DPP10: variants seen among roughly 807,000 people sequenced by gnomAD.
DPP10 encodes inactive dipeptidyl peptidase 10.
DPP10 carries 33 observed loss-of-function variants against 120.9 expected under a neutral mutation model. The ratio of observed to expected loss-of-function variants is 0.27; its 90% CI spans 0.21 to 0.37. The LOEUF (loss-of-function observed/expected upper bound fraction) is 0.37. Among genes scored for constraint, DPP10 ranks in the 10% least tolerant of loss-of-function variants. The pLI is 1.00. For missense variants in DPP10, 816 were observed against 942.8 expected (o/e 0.87, Z 1.76); for synonymous variants, 337 against 326.1 (o/e 1.03, Z -0.36).
chr2:115,014,265 A>C (rs1049537839), intron 1 of DPP10, among the ~76,000 whole-genome samples: 1 of 152,238 alleles, frequency 6.6e-6, no homozygotes, highest in Non-Finnish European at 1.5e-5. Flanking sequence ...AACGAAATTA[A>C]GGCAGAAATA....
intron 1 of DPP10, among the ~76,000 whole-genome samples, chr2:114,702,457 T>C (rs933178925): frequency 6.6e-6 from 1 of 151,974 alleles, no homozygotes; most frequent in Non-Finnish European, 1.5e-5. Flanking sequence ...CATTGCTCTC[T>C]GGAAATGGAC....
In DPP10 at chr2:114,543,878, T is replaced by TG. The variant is rs756930171; in HGVS notation, c.60+101041dup. 7.9e-3 allele frequency among the ~76,000 whole-genome samples: 940 copies of TG among 119,290 alleles called. 8 individuals carry two copies. Among genetic ancestry groups the TG allele is most frequent in the East Asian group, 0.038 (137 of 3,574 alleles). The allele number at this position is 119,290 out of a possible 152,430, so 78.3% of individuals were successfully genotyped here. ...TTTGAATGTAGCTTGTTTTTTTTGT[T>TG]GTTGGTGGTGGTGGTGGTTGTTTTT... On this transcript the variant is annotated intron_variant, in intron 1 of 25. Transcript: ENST00000410059.
rs556172830 is a variant in DPP10, at chr2:114,853,152, G to T, written c.60+410314G>T. Among the ~76,000 whole-genome samples, 7 of 152,254 alleles carry T rather than the reference G, an allele frequency of 4.6e-5. No homozygotes were observed. The East Asian group carries it at 1.4e-3, about 29-fold the overall frequency. On this transcript the variant is annotated intron_variant, in intron 1 of 25. Coordinates refer to ENST00000410059, the MANE Select transcript of DPP10 (RefSeq NM_020868.6). ...TATGGTGATAGAGGTCAGAATAGTG[G>T]TTATCTCTGGGGGACAATGATCTCT...
chr2:115,080,810 T>G lies in DPP10; in HGVS notation c.61-228429T>G, dbSNP rs191342590. Among the ~76,000 whole-genome samples, 4 of 152,318 alleles carry G rather than the reference T, an allele frequency of 2.6e-5. No individual in the cohort carries two copies. In the East Asian group the frequency reaches 7.7e-4, roughly 29 times the overall value. Reference sequence around the variant, plus strand: ...CTACAGTTCATCTCTTAGAATGACTTTAGTGAAAGTTGTCACAAAGACCCC... The same window carrying G: ...CTACAGTTCATCTCTTAGAATGACTGTAGTGAAAGTTGTCACAAAGACCCC... On this transcript the variant is annotated intron_variant, in intron 1 of 25. Coordinates refer to ENST00000410059, the MANE Select transcript of DPP10 (RefSeq NM_020868.6).
intron 1 of DPP10, among the ~76,000 whole-genome samples, chr2:114,849,919 T>TTTTCA (rs1237194842): frequency 1.3e-5 from 2 of 151,922 alleles, no homozygotes. Flanking sequence ...CAATTTTTTC[T>TTTTCA]TTTCTTTTCT....
chr2:115,545,161 G>A (rs1011410974), intron 5 of DPP10, among the ~76,000 whole-genome samples: 2 of 152,060 alleles, frequency 1.3e-5, no homozygotes, highest in African/African-American at 4.8e-5. Context: ...AATACTCCAT[G>A]TCAATGGCAA....
At chr2:115,301,025 C>T (rs1465959754) in intron 1 of DPP10, among the ~76,000 whole-genome samples, 1 of 151,960 alleles carries the variant, frequency 6.6e-6, no homozygotes, top group Non-Finnish European at 1.5e-5. Context: ...TTTTCTCAGG[C>T]ATTTTCTAGG....
At chr2:114,956,574 T>C (rs1456176705) in intron 1 of DPP10, among the ~76,000 whole-genome samples, 1 of 152,168 alleles carries the variant, frequency 6.6e-6, no homozygotes, top group Non-Finnish European at 1.5e-5. Flanking sequence ...AAATGTCATT[T>C]TTCATGGAAA....
rs375664934 is a variant in DPP10 at position 115,139,721 on chromosome 2, T to C, written c.61-169518T>C. Among the ~76,000 whole-genome samples the C allele has an allele frequency of 3.0e-3, 10 of 3,298 alleles. No individual in the cohort carries two copies. The East Asian group carries it at 0.07, about 23-fold the overall frequency. The allele number at this position is 3,298 out of a possible 152,430, so 2.2% of individuals were successfully genotyped here. ...GGAAGGTAGATCTAAGAAGTAAAAATACTAAAAAAAAAAAAAAAAAAAAAA... is the reference window on the plus strand; with the variant it reads ...GGAAGGTAGATCTAAGAAGTAAAAACACTAAAAAAAAAAAAAAAAAAAAAA... On this transcript the variant is annotated intron_variant, in intron 1 of 25. Transcript: ENST00000410059.
chr2:115,713,168 G>A (rs557313622), intron 7 of DPP10, among the ~76,000 whole-genome samples: 20 of 152,200 alleles, frequency 1.3e-4, no homozygotes, highest in African/African-American at 4.6e-4. Context: ...GAAATAGGTA[G>A]CAATGAGCAT....
intron 1 of DPP10, among the ~76,000 whole-genome samples, chr2:114,845,219 G>A (rs991965647): frequency 3.3e-5 from 5 of 152,036 alleles, no homozygotes; most frequent in Non-Finnish European, 7.4e-5. Flanking sequence ...GATGCTAACG[G>A]ATGAGACTCA....
At chr2:114,478,251 A>C (rs1378720356) in intron 1 of DPP10, among the ~76,000 whole-genome samples, 1 of 152,120 alleles carries the variant, frequency 6.6e-6, no homozygotes, top group Non-Finnish European at 1.5e-5. Context: ...CCAGGTATGA[A>C]AAGCTGGCTT....
chr2:114,915,434 A>G (rs1250138818), intron 1 of DPP10, among the ~76,000 whole-genome samples: 3 of 152,218 alleles, frequency 2.0e-5, no homozygotes, highest in African/African-American at 4.8e-5. Flanking sequence ...AGTGTTAGAT[A>G]TCATCAGGCA....
At chr2:114,542,221 T>C (rs1687017421) in intron 1 of DPP10, among the ~76,000 whole-genome samples, 1 of 151,934 alleles carries the variant, frequency 6.6e-6, no homozygotes, top group African/African-American at 2.4e-5. Flanking sequence ...CTAATTTTTG[T>C]ATTTACAGTA....
rs538798257 is a variant in DPP10 at position 115,236,284 on chromosome 2, C to T, written c.61-72955C>T. ...CACGTTGGTGAAGATTTTAACCCATCTTTCAGAATATACCATGGACATAGT... is the reference window on the plus strand; with the variant it reads ...CACGTTGGTGAAGATTTTAACCCATTTTTCAGAATATACCATGGACATAGT... On this transcript the variant is annotated intron_variant, in intron 1 of 25. Transcript: ENST00000410059. Among the ~76,000 whole-genome samples, 17 of 152,292 alleles carry T rather than the reference C, an allele frequency of 1.1e-4. 1 individual carries two copies. Among genetic ancestry groups the T allele is most frequent in the South Asian group, 1.0e-3 (5 of 4,830 alleles).
intron 5 of DPP10, among the ~76,000 whole-genome samples, chr2:115,647,303 C>T (rs1473504291): frequency 6.6e-6 from 1 of 152,138 alleles, no homozygotes; most frequent in Non-Finnish European, 1.5e-5. Flanking sequence ...TTGCAGTAGG[C>T]AGTTGAAGTT....
At chr2:114,877,774 T>A (rs1013350203) in intron 1 of DPP10, among the ~76,000 whole-genome samples, 6 of 152,014 alleles carry the variant, frequency 3.9e-5, no homozygotes, top group Non-Finnish European at 8.8e-5. Context: ...CATGAAGCCA[T>A]GAAGCTGTCC....
At chr2:115,201,493 A>G (rs551189073) in intron 1 of DPP10, among the ~76,000 whole-genome samples, 51 of 152,236 alleles carry the variant, frequency 3.4e-4, no homozygotes, top group Non-Finnish European at 6.5e-4. Context: ...AAATAAAAAC[A>G]TAGAACCATT....
At chr2:115,372,784 G>A (rs1295046099) in intron 3 of DPP10, among the ~76,000 whole-genome samples, 1 of 152,210 alleles carries the variant, frequency 6.6e-6, no homozygotes, top group Non-Finnish European at 1.5e-5. Flanking sequence ...CCTGACAGCA[G>A]TATGGTGTAG....
Sources: allele counts gnomAD v4.1 joint callset (sites outside exome capture counted in the v4.1 genomes callset), GRCh38; gene constraint gnomAD v4.1.1; transcripts MANE v1.5; gene names NCBI Gene and HGNC (gene_info 2026-07-23, HGNC 2026-07-21).